The following NKAIN2 variants were observed in gnomAD, a reference collection of about 807,000 sequenced individuals.
NKAIN2 encodes sodium/potassium transporting ATPase interacting 2.
In NKAIN2, 14 loss-of-function variants were observed where a neutral mutation model predicts 32.6. The observed-to-expected ratio is 0.43, with a 90% CI of 0.28 to 0.67. The LOEUF is 0.67. Among genes scored for constraint, NKAIN2 ranks in the 30% least tolerant of loss-of-function variants. NKAIN2 has a pLI of 0.17. For missense variants in NKAIN2, 198 were observed against 258.3 expected, an observed-to-expected ratio of 0.77 and a Z score of 1.60; for synonymous variants, 80 against 87.2, an observed-to-expected ratio of 0.92 and a Z score of 0.46.
At chr6:124,359,160 G>T (rs1217218904) in intron 3 of NKAIN2, among the ~76,000 whole-genome samples, 1 of 152,182 alleles carries the variant, frequency 6.6e-6, no homozygotes, top group East Asian at 1.9e-4. Context: ...GTATCATGCT[G>T]TTTTGGTTAC....
intron 1 of NKAIN2, among the ~76,000 whole-genome samples, chr6:124,039,652 G>A (rs1332274920): frequency 2.0e-5 from 3 of 151,716 alleles, no homozygotes; most frequent in Non-Finnish European, 4.4e-5. Flanking sequence ...TTCATGTCTT[G>A]TTTAGGGAAA....
chr6:124,517,451 ACTC>A (rs1439483741), intron 3 of NKAIN2, among the ~76,000 whole-genome samples: 2 of 152,076 alleles, frequency 1.3e-5, no homozygotes, highest in Non-Finnish European at 2.9e-5. Flanking sequence ...CCCTCAAAGT[ACTC>A]CACACAGCAG....
At chr6:124,649,607 C>G (rs1784295178) in intron 3 of NKAIN2, among the ~76,000 whole-genome samples, 1 of 152,146 alleles carries the variant, frequency 6.6e-6, no homozygotes, top group South Asian at 2.1e-4. Context: ...CTTCGTAACA[C>G]AGTCTATGAT....
At chr6:124,668,109 C>A (rs879848556) in intron 4 of NKAIN2, among the ~76,000 whole-genome samples, 17 of 152,142 alleles carry the variant, frequency 1.1e-4, no homozygotes, top group Admixed American at 1.1e-3. Context: ...TCCTATCAAG[C>A]AGTGGCCCTG....
At chr6:124,186,297 G>T (rs937570609) in intron 1 of NKAIN2, among the ~76,000 whole-genome samples, 3 of 152,018 alleles carry the variant, frequency 2.0e-5, no homozygotes, top group Non-Finnish European at 4.4e-5. Flanking sequence ...AGAGAGAATA[G>T]CTGGGCATGG....
chr6:124,279,491 A>G (rs117430361), intron 1 of NKAIN2, among the ~76,000 whole-genome samples: 3,156 of 148,942 alleles, frequency 0.021, 58 homozygotes, highest in East Asian at 0.085. Context: ...AGCCTGGACA[A>G]CAAAGCAAGA....
At chr6:124,692,376 C>T (rs189576188) in intron 4 of NKAIN2, among the ~76,000 whole-genome samples, 3 of 152,150 alleles carry the variant, frequency 2.0e-5, no homozygotes, top group Admixed American at 6.5e-5. Flanking sequence ...CTCACCCTCC[C>T]GTTTTGTTAT....
chr6:124,219,248 CTTATTT>C (rs1791663516), intron 1 of NKAIN2, among the ~76,000 whole-genome samples: 1 of 150,746 alleles, frequency 6.6e-6, no homozygotes, highest in Non-Finnish European at 1.5e-5. Context: ...TGAGCAAACA[CTTATTT>C]TTATTTTTAT....
chr6:123,815,795 A>G (rs1218530033), intron 1 of NKAIN2, among the ~76,000 whole-genome samples: 1 of 152,090 alleles, frequency 6.6e-6, no homozygotes, highest in Non-Finnish European at 1.5e-5. Context: ...AGATATATGT[A>G]TACACACACA....
chr6:124,016,842 G>C (rs915519553), intron 1 of NKAIN2, among the ~76,000 whole-genome samples: 1 of 151,972 alleles, frequency 6.6e-6, no homozygotes, highest in African/African-American at 2.4e-5. Flanking sequence ...CCCGCCTAAG[G>C]TATGTATTGG....
intron 3 of NKAIN2, among the ~76,000 whole-genome samples, chr6:124,445,891 A>T (rs574008378): frequency 2.6e-5 from 4 of 152,254 alleles, no homozygotes; most frequent in African/African-American, 9.6e-5. Context: ...CCAGTGGTTC[A>T]TTCATCTGGC....
chr6:124,508,250 C>A (rs1056631665), intron 3 of NKAIN2, among the ~76,000 whole-genome samples: 1 of 151,752 alleles, frequency 6.6e-6, no homozygotes, highest in Admixed American at 6.6e-5. Flanking sequence ...GAGTAAGATC[C>A]GGCCTCAAAA....
chr6:124,591,766 A>G (rs868302812), intron 3 of NKAIN2, among the ~76,000 whole-genome samples: 1 of 152,130 alleles, frequency 6.6e-6, no homozygotes, highest in South Asian at 2.1e-4. Context: ...TGTGAATAAT[A>G]TACTCTGCCA....
At chr6:124,006,573 A>G (rs911688489) in intron 1 of NKAIN2, among the ~76,000 whole-genome samples, 5 of 152,166 alleles carry the variant, frequency 3.3e-5, no homozygotes, top group Admixed American at 3.3e-4. Context: ...TAGACATCAA[A>G]CTGTCTTTCT....
chr6:124,352,983 A>G (rs1323302509), intron 2 of NKAIN2, among the ~76,000 whole-genome samples: 1 of 152,182 alleles, frequency 6.6e-6, no homozygotes, highest in Non-Finnish European at 1.5e-5. Flanking sequence ...TTTAGAAAAC[A>G]GTTTTGAGTT....
chr6:124,153,123 A>G (rs888850333), intron 1 of NKAIN2, among the ~76,000 whole-genome samples: 6 of 151,740 alleles, frequency 4.0e-5, no homozygotes, highest in Non-Finnish European at 7.4e-5. Flanking sequence ...TAATTTTTGT[A>G]TATTTCAAAA....
intron 1 of NKAIN2, among the ~76,000 whole-genome samples, chr6:124,157,224 G>C (rs993544285): frequency 6.8e-6 from 1 of 147,944 alleles, no homozygotes; most frequent in Non-Finnish European, 1.5e-5. Flanking sequence ...TTATGTATGG[G>C]ACACGGTGGG....
chr6:124,572,227 G>C (rs1391569651), intron 3 of NKAIN2, among the ~76,000 whole-genome samples: 1 of 152,146 alleles, frequency 6.6e-6, no homozygotes, highest in African/African-American at 2.4e-5. Flanking sequence ...ACATTGGGGA[G>C]GGCCACCTGC....
chr6:124,290,762 G>C (rs1371058790), intron 2 of NKAIN2, among the ~76,000 whole-genome samples: 1 of 150,078 alleles, frequency 6.7e-6, no homozygotes, highest in Non-Finnish European at 1.5e-5. Context: ...CAATTCATGT[G>C]CATTCTATTG....
Sources: gnomAD v4.1 joint callset for allele counts (sites outside exome capture counted in the v4.1 genomes callset) on GRCh38, gnomAD v4.1.1 for gene constraint, MANE v1.5 for transcripts, NCBI Gene and HGNC (gene_info 2026-07-23, HGNC 2026-07-21) for gene names.